CEP83: variants seen among roughly 807,000 people sequenced by gnomAD.
The protein encoded by CEP83 is centrosomal protein of 83 kDa.
A neutral mutation model predicts 101.9 loss-of-function variants in CEP83; 70 were observed. The ratio of observed to expected loss-of-function variants is 0.69; its 90% CI spans 0.57 to 0.84. CEP83 has a LOEUF of 0.84. CEP83 is among the 40% of genes least tolerant of loss of function. CEP83 has a pLI of 0.00. For synonymous variants in CEP83, 264 were observed against 267.9 expected, an observed-to-expected ratio of 0.99 and a Z score of 0.14; for missense variants, 715 against 787.2, an observed-to-expected ratio of 0.91 and a Z score of 1.10.
intron 2 of CEP83, among the ~76,000 whole-genome samples, chr12:94,432,109 C>T (rs2065674506): frequency 6.6e-6 from 1 of 151,086 alleles, no homozygotes; most frequent in Non-Finnish European, 1.5e-5. Flanking sequence ...GGCTGGAGTG[C>T]AGTGGCGCGA....
chr12:94,377,996 G>GAA (rs144226819), intron 7 of CEP83, among the ~76,000 whole-genome samples: 2 of 148,876 alleles, frequency 1.3e-5, no homozygotes, highest in Non-Finnish European at 3.0e-5. Flanking sequence ...ACTGGCTGGG[G>GAA]AAAAAAAAAA....
At chr12:94,277,453 A>G in the CEP83 span, among the ~76,000 whole-genome samples, 10 of 152,208 alleles carry the variant, frequency 6.6e-5, no homozygotes, top group African/African-American at 2.4e-4. Context: ...TCAGTGGTCC[A>G]TAAGTCACGG....
intron 8 of CEP83, 102 bp downstream of exon 8, chr12:94,375,784 T>C: frequency 1.7e-6 from 1 of 585,204 alleles, no homozygotes; most frequent in Non-Finnish European, 2.7e-6. Flanking sequence ...AATGATATAA[T>C]AAAACATTTC....
chr12:94,376,959 T>G (rs1182966355), intron 7 of CEP83, among the ~76,000 whole-genome samples: 1 of 152,076 alleles, frequency 6.6e-6, no homozygotes, highest in Non-Finnish European at 1.5e-5. Context: ...CAGGCTCATC[T>G]CAAACTCCTG....
intron 11 of CEP83, among the ~76,000 whole-genome samples, chr12:94,343,944 C>T (rs1312903532): frequency 6.6e-6 from 1 of 152,054 alleles, no homozygotes; most frequent in Non-Finnish European, 1.5e-5. Flanking sequence ...GGCCCTAATC[C>T]AATATGACTA....
intron 11 of CEP83, among the ~76,000 whole-genome samples, chr12:94,362,308 A>G (rs1437634693): frequency 1.3e-5 from 2 of 152,162 alleles, no homozygotes; most frequent in South Asian, 4.1e-4. Context: ...GAAAAATAGT[A>G]TGGAAGCTCT....
the CEP83 span, among the ~76,000 whole-genome samples, chr12:94,287,313 G>C: frequency 1.3e-5 from 2 of 152,202 alleles, no homozygotes; most frequent in Non-Finnish European, 2.9e-5. Flanking sequence ...GACTATGAAG[G>C]GGACTGTGCT....
chr12:94,445,820 G>C (rs984468428), intron 1 of CEP83, among the ~76,000 whole-genome samples: 3 of 152,182 alleles, frequency 2.0e-5, no homozygotes, highest in Non-Finnish European at 4.4e-5. Context: ...GAATGAGTAT[G>C]GGTGTGTATT....
rs190392550 is a variant in CEP83, at chr12:94,438,254, C to G, written c.-154-2927G>C. Among the ~76,000 whole-genome samples the G allele has an allele frequency of 4.6e-5, 7 of 151,464 alleles. No individual in the cohort carries two copies. In the East Asian group the frequency reaches 1.4e-3, roughly 29 times the overall value. ...GAAAAAAAAAAAAGATGCAGAACAGCAGAATGGATAAAAATCTACCAAGTA... is the reference window on the plus strand; with the variant it reads ...GAAAAAAAAAAAAGATGCAGAACAGGAGAATGGATAAAAATCTACCAAGTA... On this transcript the variant is annotated intron_variant, in intron 1 of 16. Coordinates refer to ENST00000397809, the MANE Select transcript of CEP83 (RefSeq NM_016122.3).
chr12:94,335,918 G>T, intron 11 of CEP83: 1 of 378,232 alleles, frequency 2.6e-6, no homozygotes. Context: ...GGGGTACTGG[G>T]GAACGCTACA....
chr12:94,317,303 G>C (rs144119653), intron 14 of CEP83, among the ~76,000 whole-genome samples: 3 of 152,102 alleles, frequency 2.0e-5, no homozygotes, highest in East Asian at 1.9e-4. Flanking sequence ...ATAGATGCTA[G>C]ATAGACCTTT....
chr12:94,307,680 GTCT>G (rs1969203088), downstream of CEP83: 1 of 89,246 alleles, frequency 1.1e-5, no homozygotes, highest in East Asian at 4.3e-4. Flanking sequence ...ACTGTGGACT[GTCT>G]TTTTTTTTTT....
At chr12:94,452,474 G>T (rs2067332643) in intron 1 of CEP83, among the ~76,000 whole-genome samples, 1 of 152,068 alleles carries the variant, frequency 6.6e-6, no homozygotes, top group Non-Finnish European at 1.5e-5. Context: ...AAGAATCCAG[G>T]TTCTTAAAGA....
chr12:94,315,676 T>C (rs528311348), intron 14 of CEP83, among the ~76,000 whole-genome samples: 1 of 152,166 alleles, frequency 6.6e-6, no homozygotes, highest in South Asian at 2.1e-4. Flanking sequence ...TTCTCCCAAG[T>C]TTTCATCTAG....
chr12:94,279,145 CT>C, the CEP83 span, among the ~76,000 whole-genome samples: 2 of 151,998 alleles, frequency 1.3e-5, no homozygotes, highest in Non-Finnish European at 2.9e-5. Context: ...CCTTCCAATT[CT>C]TTTTTTTCTT....
chr12:94,329,474 A>T lies in CEP83; in HGVS notation c.1707+2226T>A, dbSNP rs117722226. Among the ~76,000 whole-genome samples the T allele has an allele frequency of 7.9e-4, 120 of 152,154 alleles. 1 individual carries two copies. The East Asian group carries it at 0.022, about 28-fold the overall frequency. On this transcript the variant is annotated intron_variant, in intron 14 of 16. Transcript: ENST00000397809. ...GATGGGGTCTGGCTATATTTTGTAGATTTTTAAAAATATAACCTCCTCCAC... is the reference window on the plus strand; with the variant it reads ...GATGGGGTCTGGCTATATTTTGTAGTTTTTTAAAAATATAACCTCCTCCAC...
the CEP83 span, chr12:94,277,154 G>C: frequency 6.6e-6 from 1 of 152,196 alleles, no homozygotes; most frequent in South Asian, 2.1e-4. Flanking sequence ...TTGGTGTCCT[G>C]TGAGAGCCCC....
chr12:94,300,920 C>T, the CEP83 span: 9 of 1,612,246 alleles, frequency 5.6e-6, no homozygotes, highest in South Asian at 1.1e-5. Context: ...CCTTCCTCTT[C>T]GCTTCTGGGT....
chr12:94,423,457 C>CTTTTTT (rs763433431), intron 2 of CEP83, among the ~76,000 whole-genome samples: 72 of 120,548 alleles, frequency 6.0e-4, no homozygotes, highest in African/African-American at 2.0e-3. Context: ...TCTGGTTCAA[C>CTTTTTT]TTTTTTTTTT....
Sources: allele counts gnomAD v4.1 joint callset (sites outside exome capture counted in the v4.1 genomes callset), GRCh38; gene constraint gnomAD v4.1.1; transcripts MANE v1.5; gene names NCBI Gene and HGNC (gene_info 2026-07-23, HGNC 2026-07-21).